The following KPNA7 variants were observed in gnomAD, a reference collection of about 807,000 sequenced individuals.
KPNA7 encodes karyopherin subunit alpha 7, also known as importin subunit alpha-8.
A neutral mutation model predicts 53.7 loss-of-function variants in KPNA7; 54 were observed. The observed-to-expected ratio is 1.01, with a 90% CI of 0.81 to 1.26. KPNA7 has a LOEUF of 1.26. Ranked by LOEUF, KPNA7 falls within the 50% of genes most tolerant of loss-of-function variation. KPNA7 has a pLI of 0.00. For missense variants in KPNA7, 640 were observed against 644.5 expected (o/e 0.99, Z 0.07); for synonymous variants, 276 against 259.3 (o/e 1.06, Z -0.62).
the KPNA7 span, among the ~76,000 whole-genome samples, chr7:99,158,372 C>A: frequency 1.3e-5 from 2 of 152,068 alleles, no homozygotes; most frequent in Non-Finnish European, 2.9e-5. Flanking sequence ...TAGAACTCCT[C>A]TATTCAGATT....
chr7:99,216,112 C>A (rs879915465), intron 1 of KPNA7, among the ~76,000 whole-genome samples: 1 of 152,128 alleles, frequency 6.6e-6, no homozygotes, highest in Admixed American at 6.6e-5. Flanking sequence ...ACTACAGCCT[C>A]GACTTTCTGG....
At chr7:99,194,630 A>C (rs1009854127) in intron 5 of KPNA7, among the ~76,000 whole-genome samples, 10 of 152,114 alleles carry the variant, frequency 6.6e-5, no homozygotes, top group Middle Eastern at 3.4e-3. Context: ...TTGAGACAGA[A>C]TCTCCCTCTG....
At chr7:99,201,479 T>A (rs1169390650) in intron 3 of KPNA7, among the ~76,000 whole-genome samples, 1 of 151,808 alleles carries the variant, frequency 6.6e-6, no homozygotes, top group African/African-American at 2.4e-5. Context: ...CGGGCTAACA[T>A]GGTAAAAAAC....
intron 10 of KPNA7, among the ~76,000 whole-genome samples, chr7:99,177,302 G>T (rs1004375172): frequency 6.6e-6 from 1 of 152,116 alleles, no homozygotes; most frequent in Non-Finnish European, 1.5e-5. Flanking sequence ...GAGACGGGCC[G>T]GGTGTGGTGG....
At chr7:99,211,944 C>T (rs13310182), upstream of KPNA7, among the ~76,000 whole-genome samples, 1 of 152,152 alleles carries the variant, frequency 6.6e-6, no homozygotes, top group Non-Finnish European at 1.5e-5. Flanking sequence ...ATTCACGAAG[C>T]TCTCAATCAT....
intron 5 of KPNA7, among the ~76,000 whole-genome samples, chr7:99,193,762 C>T (rs193176557): frequency 3.1e-4 from 47 of 151,938 alleles, no homozygotes; most frequent in African/African-American, 1.1e-3. Flanking sequence ...ACTGCAGCCT[C>T]GACCTCCAGA....
chr7:99,157,762 C>CT, the KPNA7 span, among the ~76,000 whole-genome samples: 1 of 152,038 alleles, frequency 6.6e-6, no homozygotes, highest in Non-Finnish European at 1.5e-5. Context: ...TATATGACTT[C>CT]TTTTTACACT....
intron 7 of KPNA7, among the ~76,000 whole-genome samples, 180 bp from the exon 8 acceptor site, chr7:99,185,342 A>T (rs1789526145): frequency 6.6e-6 from 1 of 151,892 alleles, no homozygotes; most frequent in Non-Finnish European, 1.5e-5. Context: ...CTTTTAATTT[A>T]TTTTTTATTT....
chr7:99,173,277 G>A (rs988801530), downstream of KPNA7, among the ~76,000 whole-genome samples: 11 of 151,950 alleles, frequency 7.2e-5, no homozygotes, highest in Admixed American at 5.9e-4. Context: ...TGCAACCTCC[G>A]CCCTCCTGGG....
At chr7:99,154,261 TA>T in the KPNA7 span, among the ~76,000 whole-genome samples, 1,238 of 151,710 alleles carry the variant, frequency 8.2e-3, 14 homozygotes, top group African/African-American at 0.029. Context: ...CCCGAGTAGC[TA>T]GGACTACAGG....
At chr7:99,216,218 G>C (rs1033262386) in intron 1 of KPNA7, among the ~76,000 whole-genome samples, 1 of 152,022 alleles carries the variant, frequency 6.6e-6, no homozygotes, top group Non-Finnish European at 1.5e-5. Context: ...TAGAAAGACA[G>C]GTGTCTTGCT....
chr7:99,212,738 A>T (rs182953331), upstream of KPNA7, among the ~76,000 whole-genome samples: 335 of 151,974 alleles, frequency 2.2e-3, 2 homozygotes, highest in African/African-American at 6.5e-3. Context: ...AAAAAAGATT[A>T]AAAAAATTAA....
intron 8 of KPNA7, among the ~76,000 whole-genome samples, chr7:99,183,571 T>G (rs1479598038): frequency 5.9e-5 from 9 of 152,128 alleles, no homozygotes; most frequent in Non-Finnish European, 1.3e-4. Flanking sequence ...ATGCTATAAT[T>G]TGGGCAACAC....
At chr7:99,205,954 C>T (rs560393363) in intron 2 of KPNA7, among the ~76,000 whole-genome samples, 1 of 152,170 alleles carries the variant, frequency 6.6e-6, no homozygotes, top group Non-Finnish European at 1.5e-5. Flanking sequence ...GCACACACCC[C>T]CCGTCCCCAG....
At chr7:99,153,479 G>A in the KPNA7 span, among the ~76,000 whole-genome samples, 1 of 151,898 alleles carries the variant, frequency 6.6e-6, no homozygotes, top group Non-Finnish European at 1.5e-5. Flanking sequence ...GAACCCAGGA[G>A]GCAGAGGTTG....
In KPNA7 at chr7:99,177,937, CGAT is replaced by C. The variant is rs771849152; in HGVS notation, c.1444_1446del (p.Ile482del). On this transcript the variant is annotated inframe_deletion, in exon 10 of 11. Coordinates refer to ENST00000327442, the MANE Select transcript of KPNA7 (RefSeq NM_001145715.3). ...TCACTTACCTCACCAAAGTGCTTCT[CGAT>C]GATGTTCAAAGCCGACTGGCCAATT... The C allele has an allele frequency of 1.3e-6, 2 of 1,551,998 alleles. No homozygotes were observed. Among genetic ancestry groups the C allele is most frequent in the South Asian group, 2.4e-5 (2 of 84,020 alleles).
rs1789674163 is a variant in KPNA7, at chr7:99,187,756, T to G, written c.900+544A>C. Reference sequence around the variant, plus strand: ...TTTTACAAATAAATTTTTGTATTTTTGTATTTTTACAGCTGTGAGCCACCG... The same window carrying G: ...TTTTACAAATAAATTTTTGTATTTTGGTATTTTTACAGCTGTGAGCCACCG... On this transcript the variant is annotated intron_variant, in intron 7 of 10. Coordinates refer to ENST00000327442, the MANE Select transcript of KPNA7 (RefSeq NM_001145715.3). Among the ~76,000 whole-genome samples the G allele has an allele frequency of 4.0e-5, 6 of 149,880 alleles. No individual in the cohort carries two copies. The Admixed American group carries it at 4.0e-4, about 10-fold the overall frequency.
At chr7:99,214,941 T>C (rs1013774342) in intron 1 of KPNA7, among the ~76,000 whole-genome samples, 2 of 152,088 alleles carry the variant, frequency 1.3e-5, no homozygotes, top group African/African-American at 4.8e-5. Flanking sequence ...TCTCAGTTAA[T>C]GAGACTGAGC....
At chr7:99,151,570 G>C in the KPNA7 span, among the ~76,000 whole-genome samples, 1 of 150,768 alleles carries the variant, frequency 6.6e-6, no homozygotes, top group African/African-American at 2.4e-5. Flanking sequence ...CCAGCCTCAG[G>C]CTCCCAATCC....
Sources: gnomAD v4.1 joint callset for allele counts (sites outside exome capture counted in the v4.1 genomes callset) on GRCh38, gnomAD v4.1.1 for gene constraint, MANE v1.5 for transcripts, NCBI Gene and HGNC (gene_info 2026-07-23, HGNC 2026-07-21) for gene names.